Variants in FANCD2OS observed in about 807,000 individuals in gnomAD.
FANCD2OS encodes the protein FANCD2 opposite strand protein.
A neutral mutation model predicts 13.2 loss-of-function variants in FANCD2OS; 11 were observed. The observed-to-expected ratio is 0.83, with a 90% CI of 0.52 to 1.38. The LOEUF (loss-of-function observed/expected upper bound fraction) is 1.38. FANCD2OS is among the 40% of genes most tolerant of loss of function. FANCD2OS has a pLI of 0.00. For missense variants in FANCD2OS, 217 were observed against 213.9 expected, an observed-to-expected ratio of 1.01 and a Z score of -0.09; for synonymous variants, 69 against 84.5, an observed-to-expected ratio of 0.82 and a Z score of 1.01.
intron 2 of FANCD2OS, chr3:10,088,377 C>G (rs1413372049): frequency 1.1e-6 from 1 of 940,570 alleles, no homozygotes; most frequent in African/African-American, 1.6e-5. Context: ...AATAATCATC[C>G]TCAAAAACCT....
chr3:10,099,854 G>T (rs924294302), downstream of FANCD2OS, among the ~76,000 whole-genome samples: 1 of 152,126 alleles, frequency 6.6e-6, no homozygotes, highest in African/African-American at 2.4e-5. Context: ...CTGCTGTGGG[G>T]CCTCTGTCTG....
chr3:10,092,104 A>G, intron 2 of FANCD2OS: 1 of 1,010,852 alleles, frequency 9.9e-7, no homozygotes, highest in Non-Finnish European at 1.6e-6. Flanking sequence ...TAATTCAAGA[A>G]CTATATCTTA....
intron 2 of FANCD2OS, chr3:10,092,083 G>T: frequency 1.1e-6 from 1 of 900,988 alleles, no homozygotes; most frequent in Admixed American, 1.7e-5. Flanking sequence ...TTAAATATCT[G>T]TATAGCTATG....
chr3:10,104,727 A>C lies in FANCD2OS; in HGVS notation c.48T>G (p.Ser16Arg), dbSNP rs1575891847. ...LWSPWTPLDESFQWLRHTTPT... is the reference protein window; with the variant it reads ...LWSPWTPLDERFQWLRHTTPT... Reference sequence around the variant, plus strand: ...GTGTCGTGTGCCGCAGCCATTGGAAACTCTCATCCAGTGGGGTCCATGGTG... The same window carrying C: ...GTGTCGTGTGCCGCAGCCATTGGAACCTCTCATCCAGTGGGGTCCATGGTG... Residue 16 changes from serine (S) to arginine (R), a missense_variant, in exon 2 of 2, where the codon AGT becomes AGG. Ser to Arg is a moderately radical substitution (Grantham distance 110). Transcript: ENST00000450660. The C allele has an allele frequency of 6.2e-7, 1 of 1,606,520 alleles. No homozygotes were observed. The highest frequency in any genetic ancestry group is 2.2e-5 in the East Asian group (1 of 44,758).
chr3:10,105,765 AAAAAAATTATATATATATATATATATAT>A (rs1297086555), intron 1 of FANCD2OS, among the ~76,000 whole-genome samples: 1 of 62,670 alleles, frequency 1.6e-5, no homozygotes, highest in African/African-American at 1.1e-4. Context: ...AAAAAAAAAA[AAAAAAATTATATATATATATATATATAT>A]ATATATATAT....
intron 2 of FANCD2OS, chr3:10,094,393 T>C (rs767512318): frequency 1.3e-6 from 2 of 1,575,766 alleles, no homozygotes; most frequent in African/African-American, 2.7e-5. Context: ...AACAAAGATA[T>C]GCACTGAAGA....
In FANCD2OS at chr3:10,081,333, T is replaced by G. The variant is rs759732362; in HGVS notation, c.*242A>C. 6.0e-5 allele frequency: 96 copies of G among 1,612,274 alleles called. No individual in the cohort carries two copies. The highest frequency in any genetic ancestry group is 8.1e-5 in the Non-Finnish European group (95 of 1,178,444). ...TACTGAAGCAACTGTCCTAAAATCA[T>G]TTTTATTTTTAGTGTTTAGCTGCTG... On this transcript the variant is annotated 3_prime_UTR_variant, in exon 3 of 3. Coordinates refer to the FANCD2OS transcript ENST00000524279.
intron 2 of FANCD2OS, chr3:10,096,279 CATG>C (rs1346625211): frequency 6.3e-7 from 1 of 1,595,402 alleles, no homozygotes; most frequent in Non-Finnish European, 8.6e-7. Context: ...AATGTGAAGG[CATG>C]ATGATAAACT....
At chr3:10,085,675 C>A in intron 2 of FANCD2OS, 1 of 705,578 alleles carries the variant, frequency 1.4e-6, no homozygotes, top group East Asian at 2.7e-5. Flanking sequence ...CAGGTGTGAG[C>A]CACCACGCCC....
At chr3:10,087,679 G>A (rs746529366) in intron 2 of FANCD2OS, among the ~76,000 whole-genome samples, 3 of 151,538 alleles carry the variant, frequency 2.0e-5, no homozygotes, top group Admixed American at 1.3e-4. Flanking sequence ...ACAGAGTCTC[G>A]TTCTGTCACC....
downstream of FANCD2OS, chr3:10,101,237 A>G (rs1173599413): frequency 1.9e-6 from 3 of 1,613,108 alleles, no homozygotes; most frequent in East Asian, 2.2e-5. Context: ...CAAGATAGTG[A>G]TGAGAGTTAT....
intron 2 of FANCD2OS, chr3:10,093,335 A>C: frequency 1.2e-6 from 2 of 1,603,820 alleles, no homozygotes; most frequent in Non-Finnish European, 1.7e-6. Flanking sequence ...TGAGAGATTT[A>C]CTGGGCCCTG....
downstream of FANCD2OS, chr3:10,101,344 C>A: frequency 1.1e-6 from 1 of 928,010 alleles, no homozygotes; most frequent in Non-Finnish European, 1.8e-6. Flanking sequence ...CCGCTGTTTG[C>A]CTTTCTTACT....
chr3:10,104,589 T>C lies in FANCD2OS; in HGVS notation c.186A>G (p.Pro62=), dbSNP rs769703911. 3 of 1,614,040 alleles carry C rather than the reference T, an allele frequency of 1.9e-6. No individual in the cohort carries two copies. Among genetic ancestry groups the C allele is most frequent in the South Asian group, 2.2e-5 (2 of 91,080 alleles). The stretch of plus-strand genomic sequence containing the variant: ...TGGGACTCACTCCAGATTCCAGGAA[T>C]GGGCTGTCTAGGACTAGAGTGACCT... ...FQEVTLVLDS[P]FLESGVSPKL... Residue 62 remains proline, a synonymous_variant, in exon 2 of 2, where the codon CCA becomes CCG. Coordinates refer to ENST00000450660, the MANE Select transcript of FANCD2OS (RefSeq NM_001164839.2).
intron 2 of FANCD2OS, chr3:10,096,206 A>T: frequency 1.0e-6 from 1 of 980,338 alleles, no homozygotes; most frequent in Non-Finnish European, 1.6e-6. Flanking sequence ...TTGATGGAAC[A>T]TACCGTTGGC....
intron 1 of FANCD2OS, among the ~76,000 whole-genome samples, chr3:10,107,591 G>T (rs921975480): frequency 6.7e-6 from 1 of 150,180 alleles, no homozygotes; most frequent in African/African-American, 2.4e-5. Flanking sequence ...CGGGCCCCCC[G>T]GATCCTTTTC....
chr3:10,098,299 A>G (rs1377029245), downstream of FANCD2OS, among the ~76,000 whole-genome samples: 1 of 152,180 alleles, frequency 6.6e-6, no homozygotes, highest in Non-Finnish European at 1.5e-5. Flanking sequence ...AAACAGTCCC[A>G]AATCCAGAGC....
intron 2 of FANCD2OS, chr3:10,090,470 T>TC: frequency 2.4e-6 from 2 of 845,042 alleles, no homozygotes; most frequent in Admixed American, 2.3e-5. Context: ...TTTTTTTTTT[T>TC]TCTGAGACAG....
chr3:10,093,807 C>T (rs956440952), intron 2 of FANCD2OS, among the ~76,000 whole-genome samples: 11 of 152,206 alleles, frequency 7.2e-5, no homozygotes, highest in African/African-American at 2.7e-4. Context: ...CCTCAAGTTT[C>T]CTTCCAAGTG....
Sources: allele counts gnomAD v4.1 joint callset (sites outside exome capture counted in the v4.1 genomes callset), GRCh38; gene constraint gnomAD v4.1.1; transcripts MANE v1.5; gene names NCBI Gene and HGNC (gene_info 2026-07-23, HGNC 2026-07-21).